Variants in VWA8 observed in about 807,000 individuals in gnomAD.
VWA8 encodes von Willebrand factor A domain-containing protein 8.
In VWA8, 221 loss-of-function variants were observed where a neutral mutation model predicts 241.5. The ratio of observed to expected loss-of-function variants is 0.91; its 90% CI spans 0.82 to 1.02. VWA8 has a LOEUF of 1.02. Among genes scored for constraint, VWA8 ranks in the 50% least tolerant of loss-of-function variants. The pLI is 0.00. For missense variants in VWA8, 2,322 were observed against 2,328.7 expected (o/e 1.00, Z 0.06); for synonymous variants, 852 against 827.1 (o/e 1.03, Z -0.52).
intron 26 of VWA8, among the ~76,000 whole-genome samples, chr13:41,719,103 G>A (rs539069515): frequency 3.0e-4 from 45 of 151,988 alleles, no homozygotes; most frequent in African/African-American, 1.0e-3. Flanking sequence ...AAACCCACTA[G>A]TTCTTACTAC....
intron 1 of VWA8, among the ~76,000 whole-genome samples, chr13:41,957,739 CAT>C (rs1446332162): frequency 6.6e-6 from 1 of 152,054 alleles, no homozygotes; most frequent in Non-Finnish European, 1.5e-5. Context: ...CTATAATAAA[CAT>C]AGATTGCTGT....
At position 41,685,138 on chromosome 13, in the gene VWA8, T is replaced by C. The variant is rs1220411532; in HGVS notation, c.4236A>G (p.Lys1412=). The change falls in exon 35 of 45, where the codon AAA becomes AAG. Residue 1412 remains lysine (K), a synonymous_variant. Coordinates refer to ENST00000379310, the MANE Select transcript of VWA8 (RefSeq NM_015058.2). ...CTAAAAGAGTCACACAATTGCTTTG[T>C]TTTGGAGTCCCCCTTTTCTTCTTTC... ...YRGKKKRGTP[K]QSNCVTLLDT... The C allele has an allele frequency of 6.2e-7, 1 of 1,613,644 alleles. No homozygotes were observed. The highest frequency in any genetic ancestry group is 1.1e-5 in the South Asian group (1 of 91,064).
In VWA8 at chr13:41,810,770, G is replaced by A. The variant is rs550502628; in HGVS notation, c.2063+455C>T. Among the ~76,000 whole-genome samples the A allele has an allele frequency of 1.1e-4, 16 of 152,074 alleles. No homozygotes were observed. The South Asian group carries it at 2.3e-3, about 22-fold the overall frequency. ...AAGTAACTAAAAGTATAATTGGAAC[G>A]TTCATAATGCAAAGAAATGATAAAT... On this transcript the variant is annotated intron_variant, in intron 17 of 44. Transcript: ENST00000379310.
Position 41,568,175 on chromosome 13 carries a change from T to TCAC in VWA8, c.*21_*22insGTG. On this transcript the variant is annotated 3_prime_UTR_variant, in exon 45 of 45. Transcript: ENST00000379310. ...TGTCTTATTTCAAATCCTGGTGTCATCAGGGTGATGAAGGGCACTTCTTAG... is the reference window on the plus strand; with the variant it reads ...TGTCTTATTTCAAATCCTGGTGTCATCACCAGGGTGATGAAGGGCACTTCTTAG... 1 of 1,576,366 alleles carries TCAC rather than the reference T, an allele frequency of 6.3e-7. No individual in the cohort carries two copies.
At position 41,960,793 on chromosome 13, in the gene VWA8, G is replaced by A; in HGVS notation, c.163+60C>T. 2.7e-6 allele frequency: 4 copies of A among 1,466,728 alleles called. No individual in the cohort carries two copies. In the South Asian group the frequency reaches 5.3e-5, roughly 20 times the overall value. The allele number at this position is 1,466,728 out of a possible 1,614,324, so 90.9% of individuals were successfully genotyped here. ...CAACAGAGAGGAGGGGCGGGGGCGC[G>A]CGGGGACCCGGCACGGAGCGCAGGG... On this transcript the variant is annotated intron_variant, in intron 1 of 44. Transcript: ENST00000379310.
intron 37 of VWA8, among the ~76,000 whole-genome samples, chr13:41,617,692 A>C (rs1267775495): frequency 6.6e-6 from 1 of 150,866 alleles, no homozygotes; most frequent in Admixed American, 6.6e-5. Flanking sequence ...CCCTGTGTCC[A>C]AGTGTTCTCA....
intron 37 of VWA8, among the ~76,000 whole-genome samples, chr13:41,662,227 A>G (rs973223102): frequency 1.3e-5 from 2 of 152,158 alleles, no homozygotes; most frequent in African/African-American, 4.8e-5. Context: ...GCCAATTTGG[A>G]GAGAACTGAC....
chr13:41,623,654 T>G (rs1270896494), intron 37 of VWA8, among the ~76,000 whole-genome samples: 1 of 152,208 alleles, frequency 6.6e-6, no homozygotes, highest in Non-Finnish European at 1.5e-5. Context: ...GGCAACTGAA[T>G]GTATTCATTC....
At chr13:41,890,240 A>G (rs149702175) in intron 5 of VWA8, among the ~76,000 whole-genome samples, 120 of 152,336 alleles carry the variant, frequency 7.9e-4, no homozygotes, top group African/African-American at 2.7e-3. Context: ...GGCTCATATT[A>G]GCACCCTGGG....
intron 37 of VWA8, among the ~76,000 whole-genome samples, chr13:41,655,012 T>C (rs2044893387): frequency 6.6e-6 from 1 of 152,172 alleles, no homozygotes; most frequent in Admixed American, 6.5e-5. Flanking sequence ...ATTAATGCTA[T>C]ATCAATGTTA....
At chr13:41,891,291 G>T in intron 5 of VWA8, 129 bp downstream of exon 5, 1 of 1,084,602 alleles carries the variant, frequency 9.2e-7, no homozygotes. Context: ...CATGACTCTA[G>T]CAATTTACCC....
At chr13:41,599,572 T>A (rs1219674780) in intron 40 of VWA8, among the ~76,000 whole-genome samples, 2 of 152,144 alleles carry the variant, frequency 1.3e-5, no homozygotes, top group African/African-American at 4.8e-5. Flanking sequence ...GATACAAAAC[T>A]GTTGAGGAAC....
chr13:41,725,069 C>T (rs1433727380), intron 24 of VWA8, among the ~76,000 whole-genome samples: 4 of 152,084 alleles, frequency 2.6e-5, no homozygotes, highest in African/African-American at 7.2e-5. Flanking sequence ...CAGTAACCAA[C>T]TCTCTCCCTC....
chr13:41,655,822 G>GTCTA (rs963738254), intron 37 of VWA8, among the ~76,000 whole-genome samples: 1 of 152,226 alleles, frequency 6.6e-6, no homozygotes, highest in African/African-American at 2.4e-5. Flanking sequence ...CATTTGTATA[G>GTCTA]TCTATCTATC....
chr13:41,620,221 T>C (rs2044647652), intron 37 of VWA8, among the ~76,000 whole-genome samples: 1 of 152,232 alleles, frequency 6.6e-6, no homozygotes, highest in Admixed American at 6.5e-5. Flanking sequence ...TCTAGGAATT[T>C]ATCCATTTCT....
At chr13:41,702,316 G>A (rs1315705234) in intron 27 of VWA8, among the ~76,000 whole-genome samples, 2 of 152,230 alleles carry the variant, frequency 1.3e-5, no homozygotes, top group African/African-American at 4.8e-5. Flanking sequence ...TGAGGGCTAG[G>A]GAGTAAGAAA....
chr13:41,608,907 T>C (rs1441824864), intron 39 of VWA8, among the ~76,000 whole-genome samples: 2 of 152,226 alleles, frequency 1.3e-5, no homozygotes, highest in Non-Finnish European at 2.9e-5. Context: ...CAAAATGCTG[T>C]GTTGATGATG....
At chr13:41,655,400 G>A (rs962578453) in intron 37 of VWA8, among the ~76,000 whole-genome samples, 2 of 151,824 alleles carry the variant, frequency 1.3e-5, no homozygotes, top group African/African-American at 2.4e-5. Context: ...GTATTTAGAG[G>A]TAATGGGGCA....
chr13:41,866,265 C>T (rs1222879655), intron 10 of VWA8, among the ~76,000 whole-genome samples: 1 of 151,854 alleles, frequency 6.6e-6, no homozygotes, highest in Admixed American at 6.6e-5. Context: ...AGGAGAATCG[C>T]TTGAACCCAG....
Sources: gnomAD v4.1 joint callset for allele counts (sites outside exome capture counted in the v4.1 genomes callset) on GRCh38, gnomAD v4.1.1 for gene constraint, MANE v1.5 for transcripts, NCBI Gene and HGNC (gene_info 2026-07-23, HGNC 2026-07-21) for gene names.